DLG2: variants seen among roughly 807,000 people sequenced by gnomAD.
The protein encoded by DLG2 is discs large MAGUK scaffold protein 2.
Under a neutral mutation model 132.5 loss-of-function variants are expected in DLG2, and 45 were observed. The observed-to-expected ratio is 0.34, with a 90% CI of 0.27 to 0.44. The LOEUF (loss-of-function observed/expected upper bound fraction) is 0.44, where lower values mean the gene tolerates loss of function less well. Ranked by LOEUF, DLG2 falls within the 20% of genes least tolerant of loss-of-function variation. The pLI is 1.00. For synonymous variants in DLG2, 424 were observed against 419.6 expected, an observed-to-expected ratio of 1.01 and a Z score of -0.13; for missense variants, 1,045 against 1,196.9, an observed-to-expected ratio of 0.87 and a Z score of 1.87.
chr11:83,516,669 T>C (rs938853917), intron 21 of DLG2, among the ~76,000 whole-genome samples: 3 of 152,206 alleles, frequency 2.0e-5, no homozygotes, highest in African/African-American at 7.2e-5. Flanking sequence ...GTACCGGTTG[T>C]TCATTTCCAT....
chr11:85,158,543 G>A (rs529803657), intron 4 of DLG2, among the ~76,000 whole-genome samples: 54 of 152,286 alleles, frequency 3.5e-4, no homozygotes, highest in Non-Finnish European at 6.5e-4. Context: ...ATAGATTTGT[G>A]AGGGCAGCAC....
intron 3 of DLG2, among the ~76,000 whole-genome samples, chr11:85,446,477 T>A (rs2092014954): frequency 6.6e-6 from 1 of 152,226 alleles, no homozygotes; most frequent in Non-Finnish European, 1.5e-5. Context: ...GCTTTGTAAT[T>A]CTTATGAAAA....
At chr11:84,158,924 G>A (rs183816765) in intron 9 of DLG2, among the ~76,000 whole-genome samples, 46 of 152,226 alleles carry the variant, frequency 3.0e-4, no homozygotes, top group Non-Finnish European at 7.4e-5. Context: ...AAACCTTTAC[G>A]TTAACTCATG....
intron 19 of DLG2, among the ~76,000 whole-genome samples, chr11:83,567,155 A>C (rs921448876): frequency 1.8e-4 from 28 of 152,266 alleles, no homozygotes; most frequent in African/African-American, 5.8e-4. Context: ...GCCTGGAGTA[A>C]TCAGGGATGA....
At chr11:85,604,116 T>A (rs889631151) in intron 2 of DLG2, among the ~76,000 whole-genome samples, 1 of 152,228 alleles carries the variant, frequency 6.6e-6, no homozygotes, top group African/African-American at 2.4e-5. Context: ...AACAGCTAGA[T>A]GTTTTCTAAA....
chr11:83,836,804 G>C (rs2056294691), intron 16 of DLG2, among the ~76,000 whole-genome samples: 1 of 152,186 alleles, frequency 6.6e-6, no homozygotes, highest in East Asian at 1.9e-4. Context: ...TGGGGAGCCT[G>C]TGAGGAAATG....
chr11:84,326,487 T>C (rs1166183901), intron 7 of DLG2, among the ~76,000 whole-genome samples: 1 of 152,192 alleles, frequency 6.6e-6, no homozygotes, highest in Non-Finnish European at 1.5e-5. Flanking sequence ...CTTTGACCTA[T>C]TGGTTAAGAG....
At chr11:84,112,322 CTTTTT>C (rs60021668) in intron 9 of DLG2, among the ~76,000 whole-genome samples, 2 of 119,218 alleles carry the variant, frequency 1.7e-5, no homozygotes, top group African/African-American at 6.3e-5. Context: ...TTTACTTTTC[CTTTTT>C]TTTTTTTTTT....
At chr11:84,109,440 A>G (rs981544017) in intron 9 of DLG2, among the ~76,000 whole-genome samples, 6 of 152,202 alleles carry the variant, frequency 3.9e-5, no homozygotes, top group Admixed American at 2.6e-4. Context: ...AGAATGCTGA[A>G]TTTAGAATAG....
chr11:85,290,294 T>C (rs2078812437), intron 3 of DLG2, among the ~76,000 whole-genome samples: 1 of 152,142 alleles, frequency 6.6e-6, no homozygotes, highest in African/African-American at 2.4e-5. Context: ...AAGAATCATC[T>C]ATAAATTATT....
At chr11:83,563,557 C>G (rs1175924249) in intron 19 of DLG2, among the ~76,000 whole-genome samples, 1 of 152,158 alleles carries the variant, frequency 6.6e-6, no homozygotes, top group East Asian at 1.9e-4. Flanking sequence ...AATGATGGGA[C>G]TGAAGAGTAC....
chr11:83,601,209 G>C (rs1310557232), intron 19 of DLG2, among the ~76,000 whole-genome samples: 1 of 152,318 alleles, frequency 6.6e-6, no homozygotes, highest in East Asian at 1.9e-4. Flanking sequence ...CTCATAATCA[G>C]GGGAAGTGGG....
At chr11:84,480,453 A>C (rs1269923197) in intron 7 of DLG2, among the ~76,000 whole-genome samples, 2 of 152,286 alleles carry the variant, frequency 1.3e-5, no homozygotes, top group East Asian at 3.9e-4. Context: ...CCCAAATCAG[A>C]TAAGAAGAGC....
At chr11:83,615,798 T>C (rs2060714734) in intron 19 of DLG2, among the ~76,000 whole-genome samples, 1 of 152,216 alleles carries the variant, frequency 6.6e-6, no homozygotes, top group Non-Finnish European at 1.5e-5. Context: ...GACTTTGGTC[T>C]TACAACTGCG....
In DLG2 at chr11:84,296,353, G is replaced by A. The variant is rs552448446; in HGVS notation, c.520-45062C>T. On this transcript the variant is annotated intron_variant, in intron 7 of 27. Transcript: ENST00000376104. ...AAACAGACAGGATTCCACTGTAAAT[G>A]TTCTCAATCTCTTACCCTGTTTCTC... Among the ~76,000 whole-genome samples the A allele has an allele frequency of 6.6e-5, 10 of 152,274 alleles. No individual in the cohort carries two copies. The East Asian group carries it at 9.6e-4, about 15-fold the overall frequency.
chr11:83,918,534 C>T lies in DLG2; in HGVS notation c.1496+11794G>A, dbSNP rs1201688424. Among the ~76,000 whole-genome samples, 7 of 152,300 alleles carry T rather than the reference C, an allele frequency of 4.6e-5. No homozygotes were observed. In the East Asian group the frequency reaches 1.2e-3, roughly 25 times the overall value. ...TAATGCTACTTAACAACAACAGAAA[C>T]GTCCATGTTTGTCTTTTTTGTTTCT... is the stretch of plus-strand genomic sequence containing the variant. On this transcript the variant is annotated intron_variant, in intron 15 of 27. Coordinates refer to ENST00000376104, the MANE Select transcript of DLG2 (RefSeq NM_001142699.3).
chr11:84,502,941 G>C (rs900765451), intron 7 of DLG2, among the ~76,000 whole-genome samples: 1 of 152,118 alleles, frequency 6.6e-6, no homozygotes, highest in Non-Finnish European at 1.5e-5. Context: ...AAGAAGGTCA[G>C]GGATAAGTGC....
At chr11:85,160,176 C>G (rs2077917823) in intron 4 of DLG2, among the ~76,000 whole-genome samples, 1 of 152,190 alleles carries the variant, frequency 6.6e-6, no homozygotes, top group Admixed American at 6.5e-5. Context: ...GCAACACATT[C>G]CTCATTTAGG....
intron 6 of DLG2, among the ~76,000 whole-genome samples, chr11:84,747,530 C>T (rs968904166): frequency 1.3e-5 from 2 of 152,028 alleles, no homozygotes; most frequent in Non-Finnish European, 2.9e-5. Context: ...ACATTCCAAC[C>T]CTCTTCACAG....
Sources: gnomAD v4.1 joint callset for allele counts (sites outside exome capture counted in the v4.1 genomes callset) on GRCh38, gnomAD v4.1.1 for gene constraint, MANE v1.5 for transcripts, NCBI Gene and HGNC (gene_info 2026-07-23, HGNC 2026-07-21) for gene names.